The following ACACA variants were observed in gnomAD, a reference collection of about 807,000 sequenced individuals.
The protein encoded by ACACA is acetyl-CoA carboxylase 1.
A neutral mutation model predicts 296.1 loss-of-function variants in ACACA; 103 were observed. That is an observed-to-expected ratio of 0.35 (90% CI 0.30 to 0.41). The LOEUF (loss-of-function observed/expected upper bound fraction) is 0.41. Ranked by LOEUF, ACACA falls within the 10% of genes least tolerant of loss-of-function variation. The pLI is 1.00. For synonymous variants in ACACA, 953 were observed against 1,038.6 expected (o/e 0.92, Z 1.58); for missense variants, 1,554 against 2,989.7 (o/e 0.52, Z 11.20).
chr17:37,170,774 A>T (rs906397438), intron 41 of ACACA, among the ~76,000 whole-genome samples: 5 of 152,212 alleles, frequency 3.3e-5, no homozygotes, highest in African/African-American at 1.2e-4. Context: ...CAAAATTAAC[A>T]CCAAAATTGA....
chr17:37,180,659 A>T (rs1347950197), intron 40 of ACACA, among the ~76,000 whole-genome samples: 1 of 152,186 alleles, frequency 6.6e-6, no homozygotes, highest in East Asian at 1.9e-4. Flanking sequence ...TGAGATTCAT[A>T]ATGTCATATT....
chr17:37,244,800 C>T (rs2080611245), intron 20 of ACACA, 66 bp from the exon 21 acceptor site: 8 of 1,596,600 alleles, frequency 5.0e-6, no homozygotes, highest in Non-Finnish European at 3.4e-6. Context: ...CACACCACTG[C>T]ACTTAAGAGT....
intron 5 of ACACA, among the ~76,000 whole-genome samples, chr17:37,282,714 G>A (rs2082596998): frequency 6.6e-6 from 1 of 152,140 alleles, no homozygotes; most frequent in Non-Finnish European, 1.5e-5. Flanking sequence ...AGAAGGTATG[G>A]AGAAGAAAGA....
intron 52 of ACACA, among the ~76,000 whole-genome samples, chr17:37,108,950 C>CA (rs1288344931): frequency 3.3e-5 from 5 of 152,196 alleles, no homozygotes; most frequent in Non-Finnish European, 7.4e-5. Flanking sequence ...AAGGAGAACA[C>CA]AGAGAATGAG....
At chr17:37,147,212 T>C (rs959486196) in intron 45 of ACACA, among the ~76,000 whole-genome samples, 2 of 152,144 alleles carry the variant, frequency 1.3e-5, no homozygotes, top group Admixed American at 6.5e-5. Context: ...CACAGGTACA[T>C]ACTATGAGCA....
chr17:37,121,206 A>C, intron 50 of ACACA, 149 bp downstream of exon 50: 1 of 978,790 alleles, frequency 1.0e-6, no homozygotes, highest in Non-Finnish European at 1.6e-6. Flanking sequence ...TTCAAGTTGC[A>C]ACTCAAAAGA....
At chr17:37,226,250 A>T in intron 26 of ACACA, 89 bp downstream of exon 26, 1 of 969,274 alleles carries the variant, frequency 1.0e-6, no homozygotes, top group Non-Finnish European at 1.7e-6. Flanking sequence ...TGTTCTTTGT[A>T]AAGTGATTAA....
rs369888418 is a variant in ACACA at position 37,149,776 on chromosome 17, C to T, written c.5679+88G>A. ...ACTGAGGAAGGCACGGATTGAACTG[C>T]TTCCTTCCAATCAGGATCTTGAATT... On this transcript the variant is annotated intron_variant, in intron 45 of 55. Transcript: ENST00000616317. 6.2e-5 allele frequency: 74 copies of T among 1,200,478 alleles called. No homozygotes were observed. In the African/African-American group the frequency reaches 9.8e-4, roughly 16 times the overall value. The allele number at this position is 1,200,478 out of a possible 1,614,324, so 74.4% of individuals were successfully genotyped here. A position where few individuals can be genotyped will look rare whatever the true frequency, so the allele number is the denominator to read the frequency against.
At chr17:37,205,908 G>A (rs2078477705) in intron 32 of ACACA, 36 bp from the exon 33 acceptor site, 3 of 1,493,526 alleles carry the variant, frequency 2.0e-6, no homozygotes, top group East Asian at 4.5e-5. Flanking sequence ...GAAATTATGA[G>A]GCTGGCCAAT....
chr17:37,299,149 TA>T (rs1010022388), intron 3 of ACACA: 151 of 952,562 alleles, frequency 1.6e-4, no homozygotes, highest in Non-Finnish European at 1.9e-4. Context: ...TTCATTTTCT[TA>T]AAAAAAATAG....
intron 49 of ACACA, 53 bp downstream of exon 49, chr17:37,122,478 G>A: frequency 3.5e-6 from 5 of 1,427,520 alleles, no homozygotes; most frequent in Non-Finnish European, 4.9e-6. Flanking sequence ...CACAGGCACT[G>A]CGAAGAGAAA....
intron 42 of ACACA, among the ~76,000 whole-genome samples, chr17:37,158,136 T>C (rs1381535604): frequency 1.3e-5 from 2 of 152,060 alleles, no homozygotes; most frequent in Non-Finnish European, 2.9e-5. Context: ...CTTGAACAAA[T>C]GAAACAATAG....
At chr17:37,359,440 C>G (rs1472115741) in intron 1 of ACACA, among the ~76,000 whole-genome samples, 2 of 151,260 alleles carry the variant, frequency 1.3e-5, no homozygotes, top group Non-Finnish European at 1.5e-5. Flanking sequence ...GCGGGCGGGC[C>G]CTGGGCAGTC....
At position 37,129,369 on chromosome 17, in the gene ACACA, G is replaced by A; in HGVS notation, c.5940C>T (p.His1980=). The A allele has an allele frequency of 6.2e-7, 1 of 1,614,048 alleles. No individual in the cohort carries two copies. Among genetic ancestry groups the A allele is most frequent in the Non-Finnish European group, 8.5e-7 (1 of 1,179,978 alleles). The change falls in exon 47 of 56, where the codon CAC becomes CAT. Residue 1980 remains histidine, a synonymous_variant. Coordinates refer to ENST00000616317, the MANE Select transcript of ACACA (RefSeq NM_198834.3). ...GGTCCTCAAACATATACATACTTGG[G>A]TGAGGACGGCCTGCTAGCATCCATC... The part of the protein sequence containing the change: ...DPRWMLAGRP[H]PTQKGQWLSG...
chr17:37,250,604 C>G (rs1567883187), intron 16 of ACACA, among the ~76,000 whole-genome samples: 1 of 152,046 alleles, frequency 6.6e-6, no homozygotes, highest in Non-Finnish European at 1.5e-5. Context: ...CGCCACTGCA[C>G]TCCAGCCTGG....
intron 2 of ACACA, among the ~76,000 whole-genome samples, chr17:37,336,291 C>T (rs2048115248): frequency 1.3e-5 from 2 of 152,128 alleles, no homozygotes; most frequent in Non-Finnish European, 2.9e-5. Flanking sequence ...CAGCAGGAAG[C>T]AGTTAGAGTG....
intron 1 of ACACA, among the ~76,000 whole-genome samples, chr17:37,362,234 C>G (rs1001547349): frequency 9.2e-5 from 14 of 152,182 alleles, no homozygotes; most frequent in Non-Finnish European, 2.1e-4. Flanking sequence ...GTTTGTGGTA[C>G]TTTGCTATAA....
intron 52 of ACACA, among the ~76,000 whole-genome samples, chr17:37,111,083 A>T (rs1484841160): frequency 6.6e-6 from 1 of 152,046 alleles, no homozygotes. Context: ...CTTTACTTCT[A>T]TTTCTCTAGC....
chr17:37,399,631 G>C (rs1327389505), intron 1 of ACACA, among the ~76,000 whole-genome samples: 1 of 152,140 alleles, frequency 6.6e-6, no homozygotes, highest in African/African-American at 2.4e-5. Context: ...CCAAAGGCTG[G>C]TGACTCATGA....
Sources: allele counts gnomAD v4.1 joint callset (sites outside exome capture counted in the v4.1 genomes callset), GRCh38; gene constraint gnomAD v4.1.1; transcripts MANE v1.5; gene names NCBI Gene and HGNC (gene_info 2026-07-23, HGNC 2026-07-21).